SCEL: variants seen among roughly 807,000 people sequenced by gnomAD.
The protein encoded by SCEL is sciellin.
A neutral mutation model predicts 117.6 loss-of-function variants in SCEL; 113 were observed. The ratio of observed to expected loss-of-function variants is 0.96; its 90% CI spans 0.83 to 1.12. SCEL has a LOEUF of 1.12. SCEL is among the 50% of genes most tolerant of loss of function. The pLI is 0.00. For synonymous variants in SCEL, 270 were observed against 256.2 expected (o/e 1.05, Z -0.51); for missense variants, 785 against 810.8 (o/e 0.97, Z 0.39).
chr13:77,589,027 TG>T, intron 9 of SCEL, 116 bp from the exon 10 acceptor site: 1 of 721,736 alleles, frequency 1.4e-6, no homozygotes, highest in Non-Finnish European at 2.4e-6. Flanking sequence ...ACCTCACACA[TG>T]GGGGTTGTAA....
intron 31 of SCEL, among the ~76,000 whole-genome samples, chr13:77,641,321 G>A (rs61963673): frequency 8.5e-5 from 13 of 152,110 alleles, no homozygotes; most frequent in Non-Finnish European, 1.8e-4. Context: ...TTCATAGGAC[G>A]TTTCTTTGCA....
intron 9 of SCEL, among the ~76,000 whole-genome samples, chr13:77,583,663 G>A (rs945326422): frequency 2.6e-5 from 4 of 152,162 alleles, no homozygotes; most frequent in African/African-American, 9.7e-5. Flanking sequence ...AAAAACAAGG[G>A]ATTTAACATC....
intron 1 of SCEL, among the ~76,000 whole-genome samples, chr13:77,549,500 G>A (rs1421009304): frequency 6.6e-6 from 1 of 152,150 alleles, no homozygotes; most frequent in Non-Finnish European, 1.5e-5. Context: ...AGTTCACATA[G>A]ACATTCTCTT....
At chr13:77,587,964 C>T (rs2086656678) in intron 9 of SCEL, among the ~76,000 whole-genome samples, 1 of 152,132 alleles carries the variant, frequency 6.6e-6, no homozygotes, top group Non-Finnish European at 1.5e-5. Context: ...CTATTACTTC[C>T]TGCAGGTCTT....
At chr13:77,589,542 A>C (rs2086753603) in intron 10 of SCEL, among the ~76,000 whole-genome samples, 1 of 152,176 alleles carries the variant, frequency 6.6e-6, no homozygotes, top group Non-Finnish European at 1.5e-5. Context: ...ACATATATGT[A>C]TTTGACATGT....
In SCEL at chr13:77,561,737, TG is replaced by T. The variant is rs1459443515; in HGVS notation, c.221+1877del. Among the ~76,000 whole-genome samples, 9 of 152,160 alleles carry T rather than the reference TG, an allele frequency of 5.9e-5. 1 individual carries two copies. Among genetic ancestry groups the T allele is most frequent in the African/African-American group, 2.2e-4 (9 of 41,430 alleles). ...ATAGTAGAGGTGTGTGAGTGCACTA[TG>T]GGAATAGAAAAGAGGGGAGACTAAC... is the stretch of plus-strand genomic sequence containing the variant. On this transcript the variant is annotated intron_variant, in intron 4 of 32. Transcript: ENST00000349847.
At chr13:77,558,886 A>G (rs1410965623) in intron 3 of SCEL, among the ~76,000 whole-genome samples, 1 of 151,832 alleles carries the variant, frequency 6.6e-6, no homozygotes, top group Non-Finnish European at 1.5e-5. Context: ...ACCAGGAAAA[A>G]TGTGGTATTT....
At chr13:77,569,158 T>C (rs868675537) in intron 7 of SCEL, among the ~76,000 whole-genome samples, 1 of 152,240 alleles carries the variant, frequency 6.6e-6, no homozygotes, top group African/African-American at 2.4e-5. Flanking sequence ...TTTATTCTAT[T>C]CCTTTAGTTT....
intron 9 of SCEL, among the ~76,000 whole-genome samples, chr13:77,576,846 C>T (rs948820503): frequency 6.6e-6 from 1 of 152,054 alleles, no homozygotes; most frequent in Admixed American, 6.5e-5. Context: ...TTGAAGAGGT[C>T]CTTCGCTTCC....
intron 27 of SCEL, among the ~76,000 whole-genome samples, chr13:77,620,274 C>T (rs17071314): frequency 0.011 from 1,725 of 152,228 alleles, 29 homozygotes; most frequent in African/African-American, 0.039. Context: ...TTCAGCCACC[C>T]GTATCTGTAA....
chr13:77,593,293 T>C (rs9544547), intron 11 of SCEL, among the ~76,000 whole-genome samples: 2,405 of 53,328 alleles, frequency 0.045, 56 homozygotes, highest in African/African-American at 0.13. Flanking sequence ...TGTGTGTGTG[T>C]GTGTCTGTGT....
intron 12 of SCEL, among the ~76,000 whole-genome samples, chr13:77,596,627 T>C (rs1158386088): frequency 6.6e-6 from 1 of 151,976 alleles, no homozygotes; most frequent in African/African-American, 2.4e-5. Flanking sequence ...GAAACTTGAA[T>C]GCGTAACTAC....
rs542709507 is a variant in SCEL, at chr13:77,614,062, TATC to T, written c.1451+112_1451+114del. The stretch of plus-strand genomic sequence containing the variant: ...GGCAAATTGAATATAAATCTCAAAA[TATC>T]ATCACAGGTGGAAACCTAGATGTCT... On this transcript the variant is annotated intron_variant, in intron 24 of 32. Transcript: ENST00000349847. The T allele has an allele frequency of 4.2e-4, 399 of 951,104 alleles. 5 individuals are homozygous for T. The South Asian group carries it at 5.1e-3, about 12-fold the overall frequency. 58.9% of individuals were successfully genotyped at this position (951,104 alleles called of 1,614,324 possible).
intron 24 of SCEL, among the ~76,000 whole-genome samples, chr13:77,614,570 T>A (rs967491996): frequency 2.0e-5 from 3 of 152,174 alleles, no homozygotes; most frequent in African/African-American, 7.2e-5. Flanking sequence ...TATAAATATA[T>A]CTTAAGAATG....
At chr13:77,600,483 G>C (rs2087592501) in intron 15 of SCEL, among the ~76,000 whole-genome samples, 1 of 151,790 alleles carries the variant, frequency 6.6e-6, no homozygotes, top group South Asian at 2.1e-4. Context: ...ATCTTAGTTG[G>C]GTCATTTCAT....
intron 8 of SCEL, 52 bp from the exon 9 acceptor site, chr13:77,572,072 G>A: frequency 7.0e-7 from 1 of 1,438,242 alleles, no homozygotes; most frequent in South Asian, 1.1e-5. Context: ...AGACATGTGG[G>A]TGGGATCAGC....
intron 1 of SCEL, among the ~76,000 whole-genome samples, chr13:77,553,323 C>T (rs2084453970): frequency 6.6e-6 from 1 of 152,162 alleles, no homozygotes; most frequent in African/African-American, 2.4e-5. Flanking sequence ...TTTTGTCTCA[C>T]AATTGCATTT....
intron 5 of SCEL, among the ~76,000 whole-genome samples, chr13:77,564,191 G>GT (rs58228438): frequency 0.091 from 11,712 of 129,044 alleles, 689 homozygotes; most frequent in African/African-American, 0.18. Flanking sequence ...TTCAATATAG[G>GT]TTTTTTTTTT....
chr13:77,538,360 A>G (rs1593846356), intron 1 of SCEL, among the ~76,000 whole-genome samples: 1 of 152,054 alleles, frequency 6.6e-6, no homozygotes, highest in Non-Finnish European at 1.5e-5. Flanking sequence ...CAAGTGATGT[A>G]CCCGCCTTGG....
Sources: allele counts gnomAD v4.1 joint callset (sites outside exome capture counted in the v4.1 genomes callset), GRCh38; gene constraint gnomAD v4.1.1; transcripts MANE v1.5; gene names NCBI Gene and HGNC (gene_info 2026-07-23, HGNC 2026-07-21).